The following GATB variants were observed in gnomAD, a reference collection of about 807,000 sequenced individuals.
The protein encoded by GATB is glutamyl-tRNA amidotransferase subunit B, also known as glutamyl-tRNA(Gln) amidotransferase subunit B, mitochondrial.
GATB carries 39 observed loss-of-function variants against 62.3 expected under a neutral mutation model. The ratio of observed to expected loss-of-function variants is 0.63; its 90% CI spans 0.48 to 0.82. The LOEUF is 0.82. Ranked by LOEUF, GATB falls within the 40% of genes least tolerant of loss-of-function variation. The probability of loss-of-function intolerance (pLI) is 0.00; values close to 1 mark genes in which losing one functional copy is unlikely to be tolerated. For missense variants in GATB, 670 were observed against 684.0 expected (o/e 0.98, Z 0.23); for synonymous variants, 276 against 258.9 (o/e 1.07, Z -0.63).
intron 2 of GATB, among the ~76,000 whole-genome samples, chr4:151,725,020 A>G (rs1739110437): frequency 6.6e-6 from 1 of 152,230 alleles, no homozygotes; most frequent in Non-Finnish European, 1.5e-5. Flanking sequence ...TTTATTACAC[A>G]TGAGAGAAGA....
At chr4:151,686,454 C>A (rs1414183924) in intron 10 of GATB, among the ~76,000 whole-genome samples, 1 of 152,036 alleles carries the variant, frequency 6.6e-6, no homozygotes, top group Non-Finnish European at 1.5e-5. Flanking sequence ...GTCTTCACTC[C>A]CCGGGATGCT....
chr4:151,697,953 G>GTGTATATA lies in GATB; in HGVS notation c.1197+3375_1197+3376insTATATACA, dbSNP rs1186735671. On this transcript the variant is annotated intron_variant, in intron 9 of 12. Coordinates refer to ENST00000263985, the MANE Select transcript of GATB (RefSeq NM_004564.3). ...TTCATATATATGTGTGTGTGTGTGTGTATATATATATATATATATATATAT... is the reference window on the plus strand; with the variant it reads ...TTCATATATATGTGTGTGTGTGTGTGTGTATATATATATATATATATATATATATATAT... 6.9e-3 allele frequency among the ~76,000 whole-genome samples: 278 copies of GTGTATATA among 40,316 alleles called. 3 individuals are homozygous for GTGTATATA. The highest frequency in any genetic ancestry group is 0.022 in the African/African-American group (161 of 7,338). 26.4% of individuals were successfully genotyped at this position (40,316 alleles called of 152,430 possible). A position where few individuals can be genotyped will look rare whatever the true frequency, so the allele number is the denominator to read the frequency against.
intron 1 of GATB, 111 bp downstream of exon 1, chr4:151,760,696 G>A: frequency 2.0e-6 from 2 of 983,446 alleles, no homozygotes; most frequent in South Asian, 2.3e-5. Flanking sequence ...ATAACTCAAC[G>A]CCCTCCCGTC....
chr4:151,757,365 C>T (rs890947314), intron 2 of GATB, among the ~76,000 whole-genome samples: 1 of 152,070 alleles, frequency 6.6e-6, no homozygotes, highest in African/African-American at 2.4e-5. Flanking sequence ...CTGAGTGAGG[C>T]AGGCATACTG....
At chr4:151,713,364 G>A (rs529318353) in intron 5 of GATB, among the ~76,000 whole-genome samples, 21 of 152,106 alleles carry the variant, frequency 1.4e-4, no homozygotes, top group East Asian at 3.8e-4. Flanking sequence ...CCACGAAACC[G>A]GTCCCCGGAG....
intron 2 of GATB, among the ~76,000 whole-genome samples, chr4:151,726,357 T>A (rs544401534): frequency 6.6e-6 from 1 of 152,290 alleles, no homozygotes; most frequent in South Asian, 2.1e-4. Context: ...CCTTTTATCA[T>A]CACCCAAAAC....
chr4:151,744,509 C>T (rs1560864580), intron 2 of GATB, among the ~76,000 whole-genome samples: 1 of 151,942 alleles, frequency 6.6e-6, no homozygotes, highest in Non-Finnish European at 1.5e-5. Context: ...TCCCACTTTG[C>T]GAGGTGGAGG....
intron 3 of GATB, chr4:151,717,387 C>T (rs1459690584): frequency 6.5e-6 from 2 of 309,184 alleles, no homozygotes; most frequent in Non-Finnish European, 1.2e-5. Context: ...ATGTCATTGT[C>T]AGGGACCCCT....
At chr4:151,709,652 C>T (rs2126973771) in intron 5 of GATB, among the ~76,000 whole-genome samples, 1 of 152,288 alleles carries the variant, frequency 6.6e-6, no homozygotes. Context: ...GGCTACCACC[C>T]TTGCCCAAGG....
intron 10 of GATB, among the ~76,000 whole-genome samples, chr4:151,682,918 C>T (rs1738171267): frequency 6.6e-6 from 1 of 152,146 alleles, no homozygotes; most frequent in African/African-American, 2.4e-5. Flanking sequence ...CCCCCTTCTG[C>T]TCCCCTCCTC....
intron 2 of GATB, among the ~76,000 whole-genome samples, chr4:151,748,175 T>C (rs775668919): frequency 5.3e-5 from 8 of 152,178 alleles, no homozygotes; most frequent in Admixed American, 6.5e-5. Flanking sequence ...TTAAAGTTCA[T>C]ATGGAACCAA....
In GATB at chr4:151,719,416, T is replaced by A. The variant is rs780755969; in HGVS notation, c.441+9A>T. On this transcript the variant is annotated intron_variant, in intron 3 of 12. Coordinates refer to ENST00000263985, the MANE Select transcript of GATB (RefSeq NM_004564.3). ...ACTTGCAGTGGGGTGGATCACAAAG[T>A]GTACTTACAGGGAGGTCTGCATAGA... The A allele has an allele frequency of 6.3e-7, 1 of 1,590,772 alleles. No homozygotes were observed. Among genetic ancestry groups the A allele is most frequent in the Non-Finnish European group, 8.6e-7 (1 of 1,159,970 alleles).
intron 8 of GATB, among the ~76,000 whole-genome samples, chr4:151,702,375 T>C (rs886831446): frequency 1.3e-5 from 2 of 151,726 alleles, no homozygotes; most frequent in Non-Finnish European, 2.9e-5. Context: ...GATGAAGAGG[T>C]GGAGCACAGG....
chr4:151,756,823 A>C (rs1479696218), intron 2 of GATB, among the ~76,000 whole-genome samples: 1 of 152,234 alleles, frequency 6.6e-6, no homozygotes, highest in Non-Finnish European at 1.5e-5. Flanking sequence ...GACCAAATTT[A>C]GGTACAGCTG....
intron 9 of GATB, among the ~76,000 whole-genome samples, chr4:151,693,690 A>T (rs889448151): frequency 6.6e-6 from 1 of 152,094 alleles, no homozygotes; most frequent in Admixed American, 6.5e-5. Flanking sequence ...TTCCTGGGTC[A>T]TTTCCCCAGC....
chr4:151,683,730 T>C (rs1738191975), intron 10 of GATB, among the ~76,000 whole-genome samples: 1 of 152,216 alleles, frequency 6.6e-6, no homozygotes, highest in African/African-American at 2.4e-5. Flanking sequence ...AAGCAATTCT[T>C]AGTCACAGGC....
At chr4:151,672,542 G>A (rs376694035) in intron 12 of GATB, 14 of 545,034 alleles carry the variant, frequency 2.6e-5, no homozygotes, top group Non-Finnish European at 3.2e-6. Flanking sequence ...AACTCCAGGG[G>A]TGGCATCCTT....
At position 151,670,981 on chromosome 4, in the gene GATB, G is replaced by A. The variant is rs141096305; in HGVS notation, c.*193C>T. On this transcript the variant is annotated 3_prime_UTR_variant, in exon 13 of 13. Transcript: ENST00000263985. ...GAAGCAGGCGGGGTGGCTGCTGGTC[G>A]GCTGTGGAGGCACCTCCAGGCACAG... The A allele has an allele frequency of 3.6e-3, 2,168 of 607,288 alleles. 6 individuals carry two copies. Among genetic ancestry groups the A allele is most frequent in the Non-Finnish European group, 5.2e-3 (1,850 of 353,564 alleles). The allele number at this position is 607,288 out of a possible 1,614,324, so 37.6% of individuals were successfully genotyped here. A position where few individuals can be genotyped will look rare whatever the true frequency, so the allele number is the denominator to read the frequency against.
chr4:151,715,233 C>T (rs140649778), intron 5 of GATB, among the ~76,000 whole-genome samples: 5 of 152,302 alleles, frequency 3.3e-5, no homozygotes, highest in Middle Eastern at 6.8e-3. Flanking sequence ...ATTTTGTCTC[C>T]TCTCCATCAG....
Sources: allele counts gnomAD v4.1 joint callset (sites outside exome capture counted in the v4.1 genomes callset), GRCh38; gene constraint gnomAD v4.1.1; transcripts MANE v1.5; gene names NCBI Gene and HGNC (gene_info 2026-07-23, HGNC 2026-07-21).